ADAMTS16: variants seen among roughly 807,000 people sequenced by gnomAD.
ADAMTS16 encodes the protein A disintegrin and metalloproteinase with thrombospondin motifs 16.
Under a neutral mutation model 145.8 loss-of-function variants are expected in ADAMTS16, and 94 were observed. The observed-to-expected ratio is 0.64, with a 90% CI of 0.55 to 0.77. The LOEUF (loss-of-function observed/expected upper bound fraction) is 0.77. ADAMTS16 is among the 30% of genes least tolerant of loss of function. ADAMTS16 has a pLI of 0.00. For synonymous variants in ADAMTS16, 659 were observed against 604.3 expected (o/e 1.09, Z -1.33); for missense variants, 1,585 against 1,591.5 (o/e 1.00, Z 0.07).
In ADAMTS16 at chr5:5,190,098, G is replaced by A; in HGVS notation, c.1175G>A (p.Cys392Tyr). The A allele has an allele frequency of 1.2e-6, 2 of 1,605,622 alleles. No homozygotes were observed. The highest frequency in any genetic ancestry group is 1.7e-6 in the Non-Finnish European group (2 of 1,176,100). ...ATCTTACTGACTGGTCTGGATATATGTTCCTGGAAGAATGAGCCCTGTGAC... is the reference window on the plus strand; with the variant it reads ...ATCTTACTGACTGGTCTGGATATATATTCCTGGAAGAATGAGCCCTGTGAC... ...HAILLTGLDI[C>Y]SWKNEPCDTL... Residue 392 changes from cysteine (C) to tyrosine (Y), a missense_variant, in exon 7 of 23, where the codon TGT becomes TAT. Physicochemically the swap from Cys to Tyr is radical, Grantham distance 194. Around this residue, in one of 3 missense-constraint regions of ADAMTS16, gnomAD observed 298 missense variants for 367.6 expected, o/e 0.81. Coordinates refer to ENST00000274181, the MANE Select transcript of ADAMTS16 (RefSeq NM_139056.4).
At chr5:5,197,171 T>G (rs1347220857) in intron 8 of ADAMTS16, among the ~76,000 whole-genome samples, 1 of 152,240 alleles carries the variant, frequency 6.6e-6, no homozygotes, top group East Asian at 1.9e-4. Context: ...TCTCATGTCC[T>G]TAACCACTAC....
intron 11 of ADAMTS16, among the ~76,000 whole-genome samples, chr5:5,229,792 C>G (rs1736872540): frequency 1.3e-5 from 2 of 152,076 alleles, no homozygotes; most frequent in African/African-American, 4.8e-5. Flanking sequence ...GTTGTTTTTT[C>G]TTAAAAGAAG....
At chr5:5,311,659 G>T (rs112840811) in intron 21 of ADAMTS16, among the ~76,000 whole-genome samples, 1 of 150,490 alleles carries the variant, frequency 6.6e-6, no homozygotes. Flanking sequence ...TGATTCTCCT[G>T]TCTCAGCCCC....
In ADAMTS16 at chr5:5,235,024, G is replaced by C. The variant is rs766567318; in HGVS notation, c.1861G>C (p.Gly621Arg). Reference sequence around the variant, plus strand: ...AAATACACATTCCAGGCCATCGCATGGAGGGAAGTTCTGTGAGGGCTCCAC... The same window carrying C: ...AAATACACATTCCAGGCCATCGCATCGAGGGAAGTTCTGTGAGGGCTCCAC... ...RLCTNPKPSHGGKFCEGSTRT... is the reference protein window; with the variant it reads ...RLCTNPKPSHRGKFCEGSTRT... The change falls in exon 13 of 23, where the codon GGA becomes CGA. Residue 621 changes from glycine (G) to arginine (R), a missense_variant. Gly to Arg is a moderately radical substitution (Grantham distance 125). Transcript: ENST00000274181. The C allele has an allele frequency of 1.7e-5, 27 of 1,574,128 alleles. No individual in the cohort carries two copies. The highest frequency in any genetic ancestry group is 2.2e-5 in the Non-Finnish European group (25 of 1,151,722).
At position 5,239,820 on chromosome 5, in the gene ADAMTS16, C is replaced by A. The variant is rs761801306; in HGVS notation, c.2418C>A (p.Pro806=). The A allele has an allele frequency of 6.2e-7, 1 of 1,614,078 alleles. No homozygotes were observed. Residue 806 remains proline, a synonymous_variant, in exon 16 of 23, where the codon CCC becomes CCA. Transcript: ENST00000274181. ...YLNGHWTVDW[P]GRYKFSGTTF... ...ATGGGCACTGGACCGTGGACTGGCC[C>A]GGCCGGTACAAATTTTCGGGCACTA...
At chr5:5,287,863 C>A (rs914780442) in intron 18 of ADAMTS16, among the ~76,000 whole-genome samples, 1 of 152,168 alleles carries the variant, frequency 6.6e-6, no homozygotes, top group Non-Finnish European at 1.5e-5. Context: ...ACCCTCACAG[C>A]CCACGCACTG....
chr5:5,163,845 C>G (rs780332414), intron 3 of ADAMTS16, among the ~76,000 whole-genome samples: 7 of 152,190 alleles, frequency 4.6e-5, no homozygotes, highest in Non-Finnish European at 1.0e-4. Flanking sequence ...CCCCACAACA[C>G]CATGCTTTCC....
chr5:5,183,439 G>A (rs772376722), intron 4 of ADAMTS16, among the ~76,000 whole-genome samples: 5 of 152,254 alleles, frequency 3.3e-5, no homozygotes, highest in Non-Finnish European at 5.9e-5. Context: ...CTGCTGCCAG[G>A]GCTCACGGTG....
Position 5,187,751 on chromosome 5 carries a change from A to G in ADAMTS16, c.990A>G (p.Thr330=). 1 of 1,612,854 alleles carries G rather than the reference A, an allele frequency of 6.2e-7. No homozygotes were observed. Among genetic ancestry groups the G allele is most frequent in the African/African-American group, 1.3e-5 (1 of 75,050 alleles). Residue 330 remains threonine (T), a synonymous_variant, in exon 6 of 23, where the codon ACA becomes ACG. Transcript: ENST00000274181. ...NMVSALFKDG[T]IGGNINIAIV... is the part of the protein sequence containing the mutation. ...TATCTGCTTTATTCAAAGATGGAAC[A>G]ATAGGAGGAAACATCAACATTGCAA... is the stretch of plus-strand genomic sequence containing the variant.
intron 20 of ADAMTS16, among the ~76,000 whole-genome samples, chr5:5,304,584 C>A (rs1439779985): frequency 1.3e-5 from 2 of 152,070 alleles, no homozygotes; most frequent in African/African-American, 4.8e-5. Flanking sequence ...AGGGAGGGAC[C>A]CGGATCTCAT....
intron 9 of ADAMTS16, among the ~76,000 whole-genome samples, chr5:5,206,281 C>A (rs1393372513): frequency 4.1e-5 from 6 of 147,028 alleles, no homozygotes; most frequent in African/African-American, 1.3e-4. Flanking sequence ...AAAAAATTAG[C>A]CGGGCGTAGT....
Position 5,239,771 on chromosome 5 carries a change from A to G in ADAMTS16, c.2369A>G (p.Asn790Ser), listed in dbSNP as rs142176574. 4 of 1,614,108 alleles carry G rather than the reference A, an allele frequency of 2.5e-6. No homozygotes were observed. The highest frequency in any genetic ancestry group is 4.5e-5 in the East Asian group (2 of 44,862). Reference sequence around the variant, plus strand: ...TCTACCTCCTACATTTCTGTGCGCAATGCCCTCAGAAGGTACTACCTGAAT... The same window carrying G: ...TCTACCTCCTACATTTCTGTGCGCAGTGCCCTCAGAAGGTACTACCTGAAT... Reference protein sequence around the residue: ...NVSTSYISVRNALRRYYLNGH... With the variant: ...NVSTSYISVRSALRRYYLNGH... The change falls in exon 16 of 23, where the codon AAT becomes AGT. Residue 790 changes from asparagine to serine, a missense_variant. Around this residue, in one of 3 missense-constraint regions of ADAMTS16, gnomAD observed 834 missense variants for 811.7 expected, o/e 1.03. Transcript: ENST00000274181.
chr5:5,305,008 C>A (rs1579405367), intron 20 of ADAMTS16, among the ~76,000 whole-genome samples: 1 of 78,390 alleles, frequency 1.3e-5, no homozygotes, highest in African/African-American at 5.0e-5. Flanking sequence ...CACACACATC[C>A]CACACCACAC....
At chr5:5,272,448 G>A (rs866966754) in intron 18 of ADAMTS16, among the ~76,000 whole-genome samples, 13 of 142,784 alleles carry the variant, frequency 9.1e-5, no homozygotes, top group African/African-American at 1.6e-4. Context: ...TGCAAGCGCC[G>A]CCTCCCGAGT....
chr5:5,169,859 A>G (rs1735000939), intron 3 of ADAMTS16, among the ~76,000 whole-genome samples: 1 of 152,076 alleles, frequency 6.6e-6, no homozygotes, highest in Non-Finnish European at 1.5e-5. Flanking sequence ...TACTCCCTGG[A>G]GATGTGTGTC....
At chr5:5,273,724 G>T (rs575570322) in intron 18 of ADAMTS16, among the ~76,000 whole-genome samples, 1 of 152,210 alleles carries the variant, frequency 6.6e-6, no homozygotes, top group Non-Finnish European at 1.5e-5. Context: ...AGCTTGAAAT[G>T]TATTTAAGCA....
At chr5:5,167,338 C>T (rs1004862632) in intron 3 of ADAMTS16, among the ~76,000 whole-genome samples, 6 of 152,142 alleles carry the variant, frequency 3.9e-5, no homozygotes, top group South Asian at 2.1e-4. Flanking sequence ...GTTTGTTCCA[C>T]GGTATGGAAT....
Position 5,303,348 on chromosome 5 carries a change from G to A in ADAMTS16, c.2870G>A (p.Arg957Gln), listed in dbSNP as rs200669292. 143 of 1,605,338 alleles carry A rather than the reference G, an allele frequency of 8.9e-5. No individual in the cohort carries two copies. The East Asian group carries it at 2.3e-3, about 25-fold the overall frequency. ...AQSRPVQCTR[R>Q]VHYDSEPVPA... ...AGCCGCCCCGTGCAGTGCACACGGC[G>A]GGTGCACTATGACTCGGAGCCAGTC... Residue 957 changes from arginine to glutamine, a missense_variant, in exon 19 of 23, where the codon CGG becomes CAG. Coordinates refer to ENST00000274181, the MANE Select transcript of ADAMTS16 (RefSeq NM_139056.4).
rs1340931116 is a variant in ADAMTS16, at chr5:5,303,336, AGTGCACACGGCGG to A, written c.2865_2877del (p.Arg956MetfsTer106). On this transcript the variant is annotated frameshift_variant, in exon 19 of 23. Transcript: ENST00000274181. LOFTEE classifies it high-confidence loss of function. ...GGGGGTGCCCAGAGCCGCCCCGTGC[AGTGCACACGGCGG>A]GTGCACTATGACTCGGAGCCAGTCC... The A allele has an allele frequency of 6.2e-7, 1 of 1,607,232 alleles. No individual in the cohort carries two copies. Among genetic ancestry groups the A allele is most frequent in the Admixed American group, 1.7e-5 (1 of 59,102 alleles).
Sources: allele counts gnomAD v4.1 joint callset (sites outside exome capture counted in the v4.1 genomes callset), GRCh38; gene constraint gnomAD v4.1.1; regional missense constraint gnomAD v4.1.1; transcripts MANE v1.5; gene names NCBI Gene and HGNC (gene_info 2026-07-23, HGNC 2026-07-21).